Variants in VSTM4 observed in about 807,000 individuals in gnomAD.
The protein encoded by VSTM4 is V-set and transmembrane domain-containing protein 4.
Under a neutral mutation model 36.4 loss-of-function variants are expected in VSTM4, and 20 were observed. The ratio of observed to expected loss-of-function variants is 0.55; its 90% CI spans 0.39 to 0.80. The LOEUF (loss-of-function observed/expected upper bound fraction) is 0.80. Among genes scored for constraint, VSTM4 ranks in the 30% least tolerant of loss-of-function variants. VSTM4 has a pLI of 0.00. For synonymous variants in VSTM4, 182 were observed against 173.9 expected, an observed-to-expected ratio of 1.05 and a Z score of -0.37; for missense variants, 392 against 404.5, an observed-to-expected ratio of 0.97 and a Z score of 0.26.
intron 1 of VSTM4, among the ~76,000 whole-genome samples, chr10:49,109,128 C>G (rs1352787108): frequency 6.6e-6 from 1 of 152,202 alleles, no homozygotes; most frequent in Non-Finnish European, 1.5e-5. Context: ...CGCCTCCACC[C>G]CCCCACACAA....
Position 49,026,841 on chromosome 10 carries a change from C to T in VSTM4, c.838-7066G>A, listed in dbSNP as rs78097358. 6.4e-3 allele frequency among the ~76,000 whole-genome samples: 973 copies of T among 152,282 alleles called. 15 individuals are homozygous for T. The highest frequency in any genetic ancestry group is 0.023 in the East Asian group (117 of 5,188). On this transcript the variant is annotated intron_variant, in intron 7 of 7. Coordinates refer to ENST00000332853, the MANE Select transcript of VSTM4 (RefSeq NM_001031746.5). ...CAGGTTGCAAAACCCTGAGGGAAGG[C>T]GTTTCTTTACATTGCACATCCTGTG...
At chr10:49,107,026 G>C (rs907763286) in intron 2 of VSTM4, among the ~76,000 whole-genome samples, 2 of 152,158 alleles carry the variant, frequency 1.3e-5, no homozygotes, top group East Asian at 3.8e-4. Flanking sequence ...TTCAAACTTC[G>C]ATAAGCATCT....
chr10:49,076,003 G>C (rs1336253002), intron 4 of VSTM4, among the ~76,000 whole-genome samples: 1 of 152,156 alleles, frequency 6.6e-6, no homozygotes, highest in East Asian at 1.9e-4. Context: ...TGCAGCTAAC[G>C]CATGGTGCAT....
At position 49,017,333 on chromosome 10, in the gene VSTM4, G is replaced by A. The variant is rs1843117826; in HGVS notation, c.*2317C>T. On this transcript the variant is annotated 3_prime_UTR_variant, in exon 8 of 8. Coordinates refer to ENST00000332853, the MANE Select transcript of VSTM4 (RefSeq NM_001031746.5). ...GATAACAGTGGGACCAGCTCTGCCT[G>A]GATGCTGTCCATAGCTTCCAAGATT... The A allele has an allele frequency of 6.6e-6, 1 of 152,246 alleles. No individual in the cohort carries two copies. The highest frequency in any genetic ancestry group is 6.5e-5 in the Admixed American group (1 of 15,290). 9.4% of individuals were successfully genotyped at this position (152,246 alleles called of 1,614,324 possible). A position where few individuals can be genotyped will look rare whatever the true frequency, so the allele number is the denominator to read the frequency against.
At chr10:49,062,074 G>C (rs185946836) in intron 5 of VSTM4, among the ~76,000 whole-genome samples, 1 of 152,126 alleles carries the variant, frequency 6.6e-6, no homozygotes, top group Non-Finnish European at 1.5e-5. Flanking sequence ...GACTTTACAC[G>C]GTCTATTGGC....
At chr10:49,089,104 T>C (rs74429131) in intron 2 of VSTM4, among the ~76,000 whole-genome samples, 4,439 of 152,298 alleles carry the variant, frequency 0.029, 209 homozygotes, top group African/African-American at 0.099. Context: ...TTTATGTCCT[T>C]GGATAAGTCA....
intron 2 of VSTM4, chr10:49,102,096 G>A (rs1844676668): frequency 1.3e-5 from 2 of 152,118 alleles, no homozygotes; most frequent in African/African-American, 4.8e-5. Flanking sequence ...ATATTAGGTA[G>A]TGGGTAGGAG....
At chr10:49,082,131 G>A (rs572510830) in intron 3 of VSTM4, among the ~76,000 whole-genome samples, 171 of 152,310 alleles carry the variant, frequency 1.1e-3, no homozygotes, top group African/African-American at 4.0e-3. Flanking sequence ...GCAAAGCCCT[G>A]CCGCACTCAG....
intron 7 of VSTM4, among the ~76,000 whole-genome samples, chr10:49,041,526 G>C (rs986547999): frequency 2.6e-5 from 4 of 152,078 alleles, no homozygotes; most frequent in African/African-American, 9.7e-5. Flanking sequence ...ACACAAACAA[G>C]TCAACAACAA....
chr10:49,066,260 AT>A (rs1789285465), intron 4 of VSTM4, among the ~76,000 whole-genome samples: 1 of 152,210 alleles, frequency 6.6e-6, no homozygotes, highest in Non-Finnish European at 1.5e-5. Context: ...CCTGTCCCAG[AT>A]TGAAACGTAA....
intron 4 of VSTM4, among the ~76,000 whole-genome samples, chr10:49,065,178 C>G (rs1843950935): frequency 6.6e-6 from 1 of 152,176 alleles, no homozygotes; most frequent in African/African-American, 2.4e-5. Flanking sequence ...AAAAGAGGCC[C>G]TCGGGAAAAG....
chr10:49,045,401 C>G (rs1843592592), intron 7 of VSTM4, among the ~76,000 whole-genome samples: 1 of 152,052 alleles, frequency 6.6e-6, no homozygotes, highest in Admixed American at 6.5e-5. Flanking sequence ...AATAATACAT[C>G]TAGAAAGATT....
intron 3 of VSTM4, among the ~76,000 whole-genome samples, chr10:49,078,820 G>A (rs1001498450): frequency 1.3e-5 from 2 of 152,092 alleles, no homozygotes; most frequent in Non-Finnish European, 2.9e-5. Flanking sequence ...TGGTACAAGG[G>A]ATCTCTGTGT....
chr10:49,022,506 G>A (rs1825168298), intron 7 of VSTM4, among the ~76,000 whole-genome samples: 2 of 152,254 alleles, frequency 1.3e-5, no homozygotes, highest in African/African-American at 2.4e-5. Context: ...TCTGCTGGGG[G>A]TGACTGCCAA....
chr10:49,107,405 A>C (rs1289378170), intron 2 of VSTM4, among the ~76,000 whole-genome samples, 189 bp downstream of exon 2: 1 of 152,144 alleles, frequency 6.6e-6, no homozygotes, highest in African/African-American at 2.4e-5. Context: ...TACACAGCAC[A>C]TTAGCCAGTG....
intron 5 of VSTM4, among the ~76,000 whole-genome samples, chr10:49,052,433 A>ATTTTTT (rs372235532): frequency 3.5e-5 from 5 of 143,604 alleles, no homozygotes; most frequent in Non-Finnish European, 7.6e-5. Flanking sequence ...TTGATTTAGG[A>ATTTTTT]TTTTTTTTTT....
intron 2 of VSTM4, among the ~76,000 whole-genome samples, chr10:49,089,871 CAG>C (rs1424530020): frequency 2.6e-5 from 4 of 152,216 alleles, no homozygotes; most frequent in East Asian, 1.9e-4. Context: ...TATGAGGAAA[CAG>C]AGCTGTGGGA....
rs116758948 is a variant in VSTM4, at chr10:49,038,710, G to A, written c.837+8273C>T. 3.0e-3 allele frequency among the ~76,000 whole-genome samples: 454 copies of A among 152,280 alleles called. 4 individuals carry two copies. Among genetic ancestry groups the A allele is most frequent in the Middle Eastern group, 0.014 (4 of 294 alleles). On this transcript the variant is annotated intron_variant, in intron 7 of 7. Transcript: ENST00000332853. Reference sequence around the variant, plus strand: ...GGCCATGAGCTCCGTGTGTGCTTATGTCATGGCGGATTTGAGGTGCCTGTG... The same window carrying A: ...GGCCATGAGCTCCGTGTGTGCTTATATCATGGCGGATTTGAGGTGCCTGTG...
rs1843553343 is a variant in VSTM4, at chr10:49,043,531, T to G, written c.837+3452A>C. Among the ~76,000 whole-genome samples, 8 of 152,264 alleles carry G rather than the reference T, an allele frequency of 5.3e-5. No homozygotes were observed. The South Asian group carries it at 1.7e-3, about 32-fold the overall frequency. On this transcript the variant is annotated intron_variant, in intron 7 of 7. Transcript: ENST00000332853. ...ATTTCTCTGCACCTAGTGGAAAAAG[T>G]TTATGAATCTAGAATTCCATTCACA...
Sources: allele counts gnomAD v4.1 joint callset (sites outside exome capture counted in the v4.1 genomes callset), GRCh38; gene constraint gnomAD v4.1.1; transcripts MANE v1.5; gene names NCBI Gene and HGNC (gene_info 2026-07-23, HGNC 2026-07-21).